The following ADAMTS18 variants were observed in gnomAD, a reference collection of about 807,000 sequenced individuals.
ADAMTS18 encodes ADAM metallopeptidase with thrombospondin type 1 motif 18.
Under a neutral mutation model 165.9 loss-of-function variants are expected in ADAMTS18, and 157 were observed. That is an observed-to-expected ratio of 0.95 (90% CI 0.83 to 1.08). The LOEUF (loss-of-function observed/expected upper bound fraction) is 1.08, where lower values mean the gene tolerates loss of function less well. Among genes scored for constraint, ADAMTS18 ranks in the 50% least tolerant of loss-of-function variants. ADAMTS18 has a pLI of 0.00. For synonymous variants in ADAMTS18, 782 were observed against 578.2 expected, an observed-to-expected ratio of 1.35 and a Z score of -5.06; for missense variants, 2,040 against 1,534.0, an observed-to-expected ratio of 1.33 and a Z score of -5.51.
rs182995846 is a variant in ADAMTS18, at chr16:77,378,891, C to A, written c.496-11168G>T. On this transcript the variant is annotated intron_variant, in intron 3 of 22. Transcript: ENST00000282849. ...GTGTTTATATTATAACTTTCCCCTT[C>A]AGTTGGACTTGAAATTCTGGGAAGT... is the stretch of plus-strand genomic sequence containing the variant. 5.2e-4 allele frequency: 79 copies of A among 152,264 alleles called. 2 individuals are homozygous for A. In the East Asian group the frequency reaches 0.012, roughly 23 times the overall value. The allele number at this position is 152,264 out of a possible 1,614,324, so 9.4% of individuals were successfully genotyped here.
At chr16:77,299,318 C>G (rs765459831) in intron 17 of ADAMTS18, among the ~76,000 whole-genome samples, 2 of 152,148 alleles carry the variant, frequency 1.3e-5, no homozygotes, top group Non-Finnish European at 2.9e-5. Flanking sequence ...TTCTTAATAG[C>G]CCATTGCTTT....
At chr16:77,293,009 C>G in intron 20 of ADAMTS18, 67 bp downstream of exon 20, 2 of 1,599,364 alleles carry the variant, frequency 1.3e-6, no homozygotes, top group Non-Finnish European at 1.7e-6. Flanking sequence ...TTAGTAGAGA[C>G]AGGGTTTCAC....
At chr16:77,340,499 A>T (rs1190108475) in intron 11 of ADAMTS18, among the ~76,000 whole-genome samples, 4 of 152,162 alleles carry the variant, frequency 2.6e-5, no homozygotes, top group African/African-American at 9.7e-5. Flanking sequence ...TTAAAGAAAT[A>T]CAACTCTGGT....
chr16:77,364,726 G>GA lies in ADAMTS18; in HGVS notation c.779-346dup, dbSNP rs796278591. 5.9e-3 allele frequency among the ~76,000 whole-genome samples: 750 copies of GA among 127,692 alleles called. 12 individuals carry two copies. Among genetic ancestry groups the GA allele is most frequent in the African/African-American group, 0.021 (711 of 33,186 alleles). The allele number at this position is 127,692 out of a possible 152,430, so 83.8% of individuals were successfully genotyped here. ...TAGTAACTCAAAAATGCTCTAAAAG[G>GA]AAAAAAAAAGAAAGAAAGAAAAGAA... On this transcript the variant is annotated intron_variant, in intron 4 of 22. Coordinates refer to ENST00000282849, the MANE Select transcript of ADAMTS18 (RefSeq NM_199355.4).
chr16:77,355,609 T>C (rs911773856), intron 9 of ADAMTS18, among the ~76,000 whole-genome samples: 3 of 152,170 alleles, frequency 2.0e-5, no homozygotes, highest in Admixed American at 6.5e-5. Context: ...CAGATCTAAG[T>C]GTGAGTCTTC....
rs267604648 is a variant in ADAMTS18, at chr16:77,319,978, G to A, written c.2403C>T (p.Thr801=). ...CAGGCCAGTCGATGCTCCAGCCCCCGGTGAGGTAATACTTTTGACTGAGGC... is the reference window on the plus strand; with the variant it reads ...CAGGCCAGTCGATGCTCCAGCCCCCAGTGAGGTAATACTTTTGACTGAGGC... ...VRSLSQKYYL[T]GGWSIDWPGE... Residue 801 remains threonine (T), a synonymous_variant, in exon 16 of 23, where the codon ACC becomes ACT. Transcript: ENST00000282849. 9 of 1,614,150 alleles carry A rather than the reference G, an allele frequency of 5.6e-6. No individual in the cohort carries two copies. The highest frequency in any genetic ancestry group is 6.8e-6 in the Non-Finnish European group (8 of 1,180,008).
At chr16:77,414,611 G>A (rs2057506246) in intron 3 of ADAMTS18, among the ~76,000 whole-genome samples, 1 of 152,136 alleles carries the variant, frequency 6.6e-6, no homozygotes, top group Non-Finnish European at 1.5e-5. Context: ...CTGAAGCAAA[G>A]AGATGGTAGA....
At chr16:77,408,377 T>A (rs2057418711) in intron 3 of ADAMTS18, among the ~76,000 whole-genome samples, 1 of 152,076 alleles carries the variant, frequency 6.6e-6, no homozygotes, top group African/African-American at 2.4e-5. Flanking sequence ...AATGAGTACA[T>A]TTGAACCATA....
chr16:77,333,882 T>TTACTA (rs1555514005), intron 12 of ADAMTS18, among the ~76,000 whole-genome samples: 9 of 92,202 alleles, frequency 9.8e-5, no homozygotes, highest in African/African-American at 3.7e-4. Context: ...ATATAGTATA[T>TTACTA]TAGTATATTA....
chr16:77,364,183 C>T lies in ADAMTS18; in HGVS notation c.972+5G>A. Reference sequence around the variant, plus strand: ...AGCCAGAAGGTTTGTGACACCCCCGCTTACCATGTTCATTACTGTGAGAAT... The same window carrying T: ...AGCCAGAAGGTTTGTGACACCCCCGTTTACCATGTTCATTACTGTGAGAAT... On this transcript the variant is annotated splice_donor_5th_base_variant and intron_variant, in intron 5 of 22. Coordinates refer to ENST00000282849, the MANE Select transcript of ADAMTS18 (RefSeq NM_199355.4). The T allele has an allele frequency of 6.2e-7, 1 of 1,614,104 alleles. No individual in the cohort carries two copies. The highest frequency in any genetic ancestry group is 8.5e-7 in the Non-Finnish European group (1 of 1,179,990).
At chr16:77,347,859 C>T (rs765015366) in intron 10 of ADAMTS18, among the ~76,000 whole-genome samples, 3 of 152,102 alleles carry the variant, frequency 2.0e-5, no homozygotes, top group South Asian at 4.1e-4. Flanking sequence ...GCCATTTGCT[C>T]ATATAAAGCT....
At chr16:77,381,778 G>T (rs529322513) in intron 3 of ADAMTS18, among the ~76,000 whole-genome samples, 46 of 152,230 alleles carry the variant, frequency 3.0e-4, no homozygotes, top group African/African-American at 1.1e-3. Context: ...GTCCACCCTG[G>T]GTGACAGAGC....
intron 16 of ADAMTS18, among the ~76,000 whole-genome samples, chr16:77,309,625 A>G (rs191596811): frequency 5.3e-5 from 8 of 152,346 alleles, no homozygotes; most frequent in Admixed American, 2.0e-4. Flanking sequence ...CATCCTATAA[A>G]GTTTTGACAT....
At chr16:77,420,001 T>TAAAAA (rs2057580991) in intron 3 of ADAMTS18, among the ~76,000 whole-genome samples, 1 of 36,754 alleles carries the variant, frequency 2.7e-5, no homozygotes, top group Non-Finnish European at 8.1e-5. Flanking sequence ...CTGTCGCAGA[T>TAAAAA]TAAAAAAAAA....
At chr16:77,352,870 G>A (rs927173371) in intron 10 of ADAMTS18, among the ~76,000 whole-genome samples, 15 of 152,200 alleles carry the variant, frequency 9.9e-5, no homozygotes, top group African/African-American at 3.6e-4. Context: ...CAGCACTTGG[G>A]AGGCCGAGGT....
rs767997537 is a variant in ADAMTS18, at chr16:77,349,524, T to TAAAAAAA, written c.1614+4202_1614+4208dup. On this transcript the variant is annotated intron_variant, in intron 10 of 22. Coordinates refer to ENST00000282849, the MANE Select transcript of ADAMTS18 (RefSeq NM_199355.4). The stretch of plus-strand genomic sequence containing the variant: ...CCCCATTTGTTTATGTCATCTTATG[T>TAAAAAAA]AAAAAAAAAAAAAAAAAAAAAAAAG... 2.5e-4 allele frequency among the ~76,000 whole-genome samples: 18 copies of TAAAAAAA among 71,528 alleles called. 2 individuals are homozygous for TAAAAAAA. Among genetic ancestry groups the TAAAAAAA allele is most frequent in the South Asian group, 1.4e-3 (2 of 1,396 alleles). The allele number at this position is 71,528 out of a possible 152,430, so 46.9% of individuals were successfully genotyped here.
chr16:77,397,475 A>G (rs2057273338), intron 3 of ADAMTS18, among the ~76,000 whole-genome samples: 1 of 152,236 alleles, frequency 6.6e-6, no homozygotes, highest in East Asian at 1.9e-4. Context: ...GCTAAAGGGA[A>G]TGCTCTTCTT....
intron 8 of ADAMTS18, among the ~76,000 whole-genome samples, chr16:77,359,040 C>A (rs1057071832): frequency 4.4e-4 from 67 of 152,136 alleles, no homozygotes; most frequent in African/African-American, 1.5e-3. Flanking sequence ...TTCATTGCTG[C>A]AAAACATGAA....
chr16:77,292,829 T>A (rs2055389607), intron 20 of ADAMTS18, among the ~76,000 whole-genome samples: 2 of 151,290 alleles, frequency 1.3e-5, no homozygotes, highest in African/African-American at 4.8e-5. Context: ...AGCAGTGACT[T>A]TTTTTTTTGA....
Sources: gnomAD v4.1 joint callset for allele counts (sites outside exome capture counted in the v4.1 genomes callset) on GRCh38, gnomAD v4.1.1 for gene constraint, MANE v1.5 for transcripts, NCBI Gene and HGNC (gene_info 2026-07-23, HGNC 2026-07-21) for gene names.